Variants in HEXB observed in about 807,000 individuals in gnomAD.
The protein encoded by HEXB is hexosaminidase subunit beta.
A neutral mutation model predicts 71.2 loss-of-function variants in HEXB; 51 were observed. The ratio of observed to expected loss-of-function variants is 0.72; its 90% CI spans 0.57 to 0.90. The LOEUF (loss-of-function observed/expected upper bound fraction) is 0.90, where lower values mean the gene tolerates loss of function less well. Among genes scored for constraint, HEXB ranks in the 40% least tolerant of loss-of-function variants. The probability of loss-of-function intolerance (pLI) is 0.00; values close to 1 mark genes in which losing one functional copy is unlikely to be tolerated. For missense variants in HEXB, 617 were observed against 677.0 expected (o/e 0.91, Z 0.98); for synonymous variants, 266 against 249.3 (o/e 1.07, Z -0.63).
chr5:74,708,703 A>G (rs549845452), intron 6 of HEXB, among the ~76,000 whole-genome samples: 7 of 152,100 alleles, frequency 4.6e-5, no homozygotes, highest in Admixed American at 2.0e-4. Flanking sequence ...GAAGGCCATT[A>G]CATAATGGTA....
In HEXB at chr5:74,685,479, C is replaced by A. The variant is rs771754401; in HGVS notation, c.219C>A (p.Ala73=). The change falls in exon 1 of 14, where the codon GCC becomes GCA. Residue 73 remains alanine (A), a synonymous_variant. Transcript: ENST00000261416. ...VKMTPNLLHL[A]PENFYISHSP... ...TGACCCCGAACCTGCTGCATCTCGC[C>A]CCGGAGAACTTCTACATCAGCCACA... 1.9e-6 allele frequency: 3 copies of A among 1,611,342 alleles called. No individual in the cohort carries two copies. In the Admixed American group the frequency reaches 5.0e-5, roughly 27 times the overall value.
intron 6 of HEXB, among the ~76,000 whole-genome samples, chr5:74,709,463 A>C (rs1749484643): frequency 1.3e-5 from 2 of 152,254 alleles, no homozygotes; most frequent in Non-Finnish European, 1.5e-5. Context: ...TGAAGGAAAT[A>C]GACACACAAA....
upstream of HEXB, chr5:74,685,085 A>G: frequency 1.5e-6 from 1 of 645,980 alleles, no homozygotes; most frequent in Non-Finnish European, 2.5e-6. Context: ...TGACCTGGAC[A>G]GGGCGGGCTG....
chr5:74,677,001 C>T (rs1748642436), intron 1 of HEXB, among the ~76,000 whole-genome samples: 1 of 151,982 alleles, frequency 6.6e-6, no homozygotes, highest in Admixed American at 6.5e-5. Context: ...ATTCTCCTGC[C>T]TCAGCCTCCC....
intron 2 of HEXB, among the ~76,000 whole-genome samples, chr5:74,691,500 A>C (rs1258603666): frequency 1.3e-5 from 2 of 152,250 alleles, no homozygotes; most frequent in East Asian, 1.9e-4. Flanking sequence ...ATAAAGAAGC[A>C]GTATTACTGA....
intron 6 of HEXB, among the ~76,000 whole-genome samples, chr5:74,710,704 A>AT (rs1370796439): frequency 6.6e-6 from 1 of 151,868 alleles, no homozygotes; most frequent in African/African-American, 2.4e-5. Flanking sequence ...AGAGAATAAA[A>AT]TACCTAGGAA....
chr5:74,675,112 A>G (rs1398661587), intron 1 of HEXB, among the ~76,000 whole-genome samples: 5 of 152,252 alleles, frequency 3.3e-5, no homozygotes, highest in Admixed American at 3.3e-4. Flanking sequence ...TTGCAAAGAC[A>G]GCTGGAAATT....
intron 5 of HEXB, among the ~76,000 whole-genome samples, chr5:74,699,213 C>T (rs748045671): frequency 6.6e-6 from 1 of 151,732 alleles, no homozygotes; most frequent in African/African-American, 2.4e-5. Context: ...AATATATTAA[C>T]ATATACAATG....
chr5:74,666,728 A>C (rs962023067), intron 1 of HEXB, among the ~76,000 whole-genome samples: 1 of 152,126 alleles, frequency 6.6e-6, no homozygotes, highest in Non-Finnish European at 1.5e-5. Flanking sequence ...CCCTCTATCA[A>C]TCAACCTGCT....
Position 74,641,722 on chromosome 5 carries a change from T to C in HEXB, c.-377+1164T>C, listed in dbSNP as rs919159584. ...AAATAATCTCGCGTGGTGATCACTTTTACGAATCCCATTTATCTTTGCAAC... is the reference window on the plus strand; with the variant it reads ...AAATAATCTCGCGTGGTGATCACTTCTACGAATCCCATTTATCTTTGCAAC... On this transcript the variant is annotated intron_variant, in intron 1 of 13. Coordinates refer to the HEXB transcript ENST00000511181. This position sits in a 1 kb window ranked among gnomAD's most constrained non-coding sequence, Gnocchi z 4.1. Among the ~76,000 whole-genome samples, 1 of 152,268 alleles carries C rather than the reference T, an allele frequency of 6.6e-6. No homozygotes were observed. The highest frequency in any genetic ancestry group is 2.4e-5 in the African/African-American group (1 of 41,470).
chr5:74,721,278 TATTG>T lies in HEXB; in HGVS notation c.*109_*112del, dbSNP rs771215231. ...GACTGTTTTTTGAATAAAATATTTT[TATTG>T]ATTGAACCTTTGACCCTCTATCTTA... On this transcript the variant is annotated 3_prime_UTR_variant, in exon 14 of 14. Transcript: ENST00000261416. 1 of 978,306 alleles carries T rather than the reference TATTG, an allele frequency of 1.0e-6. No individual in the cohort carries two copies. The highest frequency in any genetic ancestry group is 1.6e-6 in the Non-Finnish European group (1 of 616,732). The allele number at this position is 978,306 out of a possible 1,614,324, so 60.6% of individuals were successfully genotyped here. A position where few individuals can be genotyped will look rare whatever the true frequency, so the allele number is the denominator to read the frequency against.
Position 74,652,171 on chromosome 5 carries a change from A to G in HEXB, c.-377+11613A>G, listed in dbSNP as rs142304668. Among the ~76,000 whole-genome samples, 18 of 152,278 alleles carry G rather than the reference A, an allele frequency of 1.2e-4. No individual in the cohort carries two copies. In the East Asian group the frequency reaches 3.1e-3, roughly 26 times the overall value. Reference sequence around the variant, plus strand: ...ATGGATCAACCATAAATAATAATTAATGTCCATTTAGAGTCACAGTGGTTT... The same window carrying G: ...ATGGATCAACCATAAATAATAATTAGTGTCCATTTAGAGTCACAGTGGTTT... On this transcript the variant is annotated intron_variant, in intron 1 of 13. Coordinates refer to the HEXB transcript ENST00000511181. This position sits in a 1 kb window ranked among gnomAD's most constrained non-coding sequence, Gnocchi z 5.4.
At chr5:74,716,988 G>A (rs1360628375) in intron 9 of HEXB, among the ~76,000 whole-genome samples, 14 of 152,122 alleles carry the variant, frequency 9.2e-5, no homozygotes, top group African/African-American at 9.7e-5. Context: ...CCAGGAGTTC[G>A]AGACCAGCCT....
chr5:74,670,368 T>A (rs1580369542), intron 1 of HEXB, among the ~76,000 whole-genome samples: 1 of 152,052 alleles, frequency 6.6e-6, no homozygotes, highest in Admixed American at 6.6e-5. Context: ...TCACGTCCCC[T>A]CTCTGCTGAG....
chr5:74,672,388 A>G (rs1390757784), intron 1 of HEXB, among the ~76,000 whole-genome samples: 1 of 152,218 alleles, frequency 6.6e-6, no homozygotes, highest in Non-Finnish European at 1.5e-5. Context: ...TCTTCGTGCC[A>G]ATATTGCCCA....
At chr5:74,709,554 A>G (rs147828724) in intron 6 of HEXB, among the ~76,000 whole-genome samples, 38 of 152,336 alleles carry the variant, frequency 2.5e-4, no homozygotes, top group African/African-American at 7.5e-4. Flanking sequence ...AGCAAGACTA[A>G]TAAAAAAAGA....
At chr5:74,695,973 T>C (rs547616456) in intron 3 of HEXB, among the ~76,000 whole-genome samples, 2 of 152,284 alleles carry the variant, frequency 1.3e-5, no homozygotes, top group Admixed American at 1.3e-4. Flanking sequence ...TTATTGAACG[T>C]AATGTCACTT....
At chr5:74,709,976 C>G (rs920166002) in intron 6 of HEXB, among the ~76,000 whole-genome samples, 1 of 150,278 alleles carries the variant, frequency 6.7e-6, no homozygotes, top group Non-Finnish European at 1.5e-5. Context: ...CGGGCAGAGA[C>G]ACAACCAAAA....
chr5:74,720,647 C>T lies in HEXB; in HGVS notation c.1513C>T (p.Arg505Trp), dbSNP rs751592419. 39 of 1,613,720 alleles carry T rather than the reference C, an allele frequency of 2.4e-5. No homozygotes were observed. Among genetic ancestry groups the T allele is most frequent in the East Asian group, 1.6e-4 (7 of 44,888 alleles). ...ATNLTPRLWP[R>W]ASAVGERLWS... ...GATGTGTGATTTAAATTTTAGGCCT[C>T]GGGCAAGTGCTGTTGGTGAGAGACT... is the stretch of plus-strand genomic sequence containing the variant. Residue 505 changes from arginine (R) to tryptophan (W), a missense_variant, in exon 13 of 14, where the codon CGG becomes TGG. Coordinates refer to ENST00000261416, the MANE Select transcript of HEXB (RefSeq NM_000521.4).
Sources: gnomAD v4.1 joint callset for allele counts (sites outside exome capture counted in the v4.1 genomes callset) on GRCh38, gnomAD v4.1.1 for gene constraint, Gnocchi (gnomAD v3.1) non-coding constraint, MANE v1.5 for transcripts, NCBI Gene and HGNC (gene_info 2026-07-23, HGNC 2026-07-21) for gene names.